MPRIP: variants seen among roughly 807,000 people sequenced by gnomAD.
The protein encoded by MPRIP is myosin phosphatase Rho interacting protein, also known as myosin phosphatase Rho-interacting protein.
In MPRIP, 59 loss-of-function variants were observed where a neutral mutation model predicts 234.9. The ratio of observed to expected loss-of-function variants is 0.25; its 90% CI spans 0.20 to 0.31. The LOEUF (loss-of-function observed/expected upper bound fraction) is 0.31, where lower values mean the gene tolerates loss of function less well. MPRIP is among the 10% of genes least tolerant of loss of function. The pLI is 1.00. For synonymous variants in MPRIP, 1,144 were observed against 1,263.9 expected, an observed-to-expected ratio of 0.91 and a Z score of 2.01; for missense variants, 2,436 against 3,071.0, an observed-to-expected ratio of 0.79 and a Z score of 4.89.
intron 3 of MPRIP, among the ~76,000 whole-genome samples, chr17:17,121,494 G>A (rs1195153819): frequency 1.3e-5 from 1 of 76,386 alleles, no homozygotes; most frequent in African/African-American, 3.1e-5. Context: ...TCAGTGAGAG[G>A]ACACGGGAAG....
chr17:17,103,588 G>T (rs988070146), intron 3 of MPRIP, among the ~76,000 whole-genome samples: 3 of 152,166 alleles, frequency 2.0e-5, no homozygotes, highest in African/African-American at 7.2e-5. Flanking sequence ...AAAAAAAACT[G>T]CCCCTTCCCA....
intron 4 of MPRIP, among the ~76,000 whole-genome samples, chr17:17,130,009 G>T (rs1363563231): frequency 6.6e-6 from 1 of 152,232 alleles, no homozygotes; most frequent in East Asian, 1.9e-4. Flanking sequence ...GAGGAGAGGG[G>T]CTCAGGACCC....
At chr17:17,116,307 C>T (rs1466778019) in intron 3 of MPRIP, among the ~76,000 whole-genome samples, 1 of 152,172 alleles carries the variant, frequency 6.6e-6, no homozygotes, top group Non-Finnish European at 1.5e-5. Flanking sequence ...GGGAGATGTG[C>T]CAGGCAGGCC....
intron 1 of MPRIP, chr17:17,057,810 C>T: frequency 1.5e-6 from 1 of 680,562 alleles, no homozygotes; most frequent in South Asian, 1.6e-5. Flanking sequence ...CAGGGATCTT[C>T]ACAGTTTGAA....
chr17:17,158,337 A>AG, intron 13 of MPRIP, 95 bp from the exon 14 acceptor site: 1 of 1,049,520 alleles, frequency 9.5e-7, no homozygotes, highest in Non-Finnish European at 1.4e-6. Context: ...TGGTGCTCAC[A>AG]GGGGCTGGGT....
chr17:17,077,935 C>T (rs958684943), intron 2 of MPRIP, 76 bp from the exon 3 acceptor site: 26 of 1,426,266 alleles, frequency 1.8e-5, no homozygotes, highest in African/African-American at 1.7e-4. Context: ...ACTTGTCAGA[C>T]GTGGGAACTC....
chr17:17,073,623 G>T (rs2144026420), intron 1 of MPRIP, among the ~76,000 whole-genome samples: 1 of 152,234 alleles, frequency 6.6e-6, no homozygotes, highest in East Asian at 1.9e-4. Context: ...GCCGAGCTGG[G>T]AGTCACAGAG....
chr17:17,054,082 G>A (rs2088621678), intron 1 of MPRIP, among the ~76,000 whole-genome samples: 1 of 152,068 alleles, frequency 6.6e-6, no homozygotes, highest in Admixed American at 6.6e-5. Context: ...AAGATCCAAA[G>A]TATTTCTAAT....
chr17:17,159,337 C>T (rs2045812057), intron 14 of MPRIP, among the ~76,000 whole-genome samples: 1 of 152,222 alleles, frequency 6.6e-6, no homozygotes, highest in African/African-American at 2.4e-5. Flanking sequence ...GGGGCGCGAG[C>T]AGGGCAAGGC....
intron 3 of MPRIP, among the ~76,000 whole-genome samples, chr17:17,121,315 A>G (rs2090383901): frequency 6.6e-6 from 1 of 152,288 alleles, no homozygotes; most frequent in Non-Finnish European, 1.5e-5. Flanking sequence ...ACAAGCAGTT[A>G]TAACACAGTG....
chr17:17,069,384 CT>C (rs1377045523), intron 1 of MPRIP, among the ~76,000 whole-genome samples: 2 of 151,586 alleles, frequency 1.3e-5, no homozygotes, highest in Non-Finnish European at 2.9e-5. Context: ...CTCTATCAAT[CT>C]TTTAATTGGT....
chr17:17,190,082 G>A lies in MPRIP; in HGVS notation c.*5188G>A, dbSNP rs766282184. On this transcript the variant is annotated 3_prime_UTR_variant, in exon 24 of 24. Transcript: ENST00000651222. ...CCGCTCAGCGCGAGCGTCTCCAGTAGGTAATAGCAGCTGAACGTGGGTTTT... is the reference window on the plus strand; with the variant it reads ...CCGCTCAGCGCGAGCGTCTCCAGTAAGTAATAGCAGCTGAACGTGGGTTTT... 1.3e-5 allele frequency: 2 copies of A among 152,252 alleles called. No individual in the cohort carries two copies. The highest frequency in any genetic ancestry group is 2.9e-5 in the Non-Finnish European group (2 of 68,058). 9.4% of individuals were successfully genotyped at this position (152,252 alleles called of 1,614,324 possible). A position where few individuals can be genotyped will look rare whatever the true frequency, so the allele number is the denominator to read the frequency against.
intron 22 of MPRIP, among the ~76,000 whole-genome samples, chr17:17,179,348 G>A (rs1169961225): frequency 6.6e-6 from 1 of 151,928 alleles, no homozygotes; most frequent in Admixed American, 6.6e-5. Context: ...TCGGGAGGCT[G>A]AGGCAGGAGA....
chr17:17,169,705 A>G (rs2046087747), intron 16 of MPRIP, among the ~76,000 whole-genome samples: 1 of 152,228 alleles, frequency 6.6e-6, no homozygotes, highest in Non-Finnish European at 1.5e-5. Context: ...CAGAACTTGT[A>G]AATAGACAGC....
chr17:17,116,904 G>A (rs1430694977), intron 3 of MPRIP, among the ~76,000 whole-genome samples: 4 of 152,228 alleles, frequency 2.6e-5, no homozygotes, highest in Non-Finnish European at 2.9e-5. Context: ...GGGAGAATCT[G>A]CACGGTACTC....
At chr17:17,146,210 T>A in intron 10 of MPRIP, 118 bp downstream of exon 10, 1 of 873,132 alleles carries the variant, frequency 1.1e-6, no homozygotes, top group Non-Finnish European at 1.9e-6. Flanking sequence ...TCCATGCCCC[T>A]TGTCTTCATG....
intron 1 of MPRIP, among the ~76,000 whole-genome samples, chr17:17,065,221 A>G (rs1277316355): frequency 6.6e-6 from 1 of 152,136 alleles, no homozygotes; most frequent in Non-Finnish European, 1.5e-5. Flanking sequence ...GACATTTGCA[A>G]AATATTTTAT....
At chr17:17,043,343 G>T (rs559052761) in intron 1 of MPRIP, among the ~76,000 whole-genome samples, 1 of 152,296 alleles carries the variant, frequency 6.6e-6, no homozygotes, top group East Asian at 1.9e-4. Flanking sequence ...GTGGCCCAGG[G>T]GTCGGATTGT....
intron 1 of MPRIP, among the ~76,000 whole-genome samples, chr17:17,064,756 G>C (rs769056762): frequency 3.9e-5 from 6 of 152,146 alleles, no homozygotes; most frequent in Non-Finnish European, 8.8e-5. Context: ...GCATTCCATG[G>C]TAAGAGGGGA....
Sources: gnomAD v4.1 joint callset for allele counts (sites outside exome capture counted in the v4.1 genomes callset) on GRCh38, gnomAD v4.1.1 for gene constraint, MANE v1.5 for transcripts, NCBI Gene and HGNC (gene_info 2026-07-23, HGNC 2026-07-21) for gene names.